CUX2: variants seen among roughly 807,000 people sequenced by gnomAD.
CUX2 encodes the protein homeobox protein cut-like 2.
A neutral mutation model predicts 144.8 loss-of-function variants in CUX2; 40 were observed. The ratio of observed to expected loss-of-function variants is 0.28; its 90% CI spans 0.21 to 0.36. CUX2 has a LOEUF of 0.36. Ranked by LOEUF, CUX2 falls within the 10% of genes least tolerant of loss-of-function variation. The probability of loss-of-function intolerance (pLI) is 1.00; values close to 1 mark genes in which losing one functional copy is unlikely to be tolerated. For missense variants in CUX2, 1,615 were observed against 1,994.0 expected (o/e 0.81, Z 3.62); for synonymous variants, 827 against 875.6 (o/e 0.94, Z 0.98).
intron 16 of CUX2, among the ~76,000 whole-genome samples, chr12:111,316,423 C>A (rs1293672424): frequency 4.1e-5 from 6 of 146,898 alleles, no homozygotes; most frequent in African/African-American, 1.5e-4. Context: ...TGGGATTACA[C>A]GCTTGAGCCA....
At chr12:111,147,787 C>A (rs1876786234) in intron 1 of CUX2, among the ~76,000 whole-genome samples, 1 of 152,162 alleles carries the variant, frequency 6.6e-6, no homozygotes, top group African/African-American at 2.4e-5. Context: ...GCAAAGGTAG[C>A]AAAAGCCCAG....
In CUX2 at chr12:111,320,059, A is replaced by T. The variant is rs910452072; in HGVS notation, c.2050A>T (p.Thr684Ser). 9.1e-6 allele frequency: 14 copies of T among 1,542,646 alleles called. No individual in the cohort carries two copies. The African/African-American group carries it at 1.7e-4, about 18-fold the overall frequency. Residue 684 changes from threonine (T) to serine (S), a missense_variant, in exon 17 of 22, where the codon ACC becomes TCC. Thr to Ser is a moderately conservative substitution (Grantham distance 58). Transcript: ENST00000261726. This position sits in a 1 kb window ranked among gnomAD's most constrained non-coding sequence, Gnocchi z 8.1. ...VAPLSIANGTTPASTSEDAIK... is the reference protein window; with the variant it reads ...VAPLSIANGTSPASTSEDAIK... ...CCCGCTGAGCATCGCCAACGGCACG[A>T]CCCCCGCCAGCACCTCGGAGGACGC...
At chr12:111,340,659 T>C (rs1240299868) in intron 20 of CUX2, among the ~76,000 whole-genome samples, 1 of 152,230 alleles carries the variant, frequency 6.6e-6, no homozygotes, top group Non-Finnish European at 1.5e-5. Context: ...TTCTTAAATA[T>C]CTGCTAGCCG....
intron 2 of CUX2, among the ~76,000 whole-genome samples, chr12:111,215,732 G>A (rs976929335): frequency 1.3e-5 from 2 of 152,048 alleles, no homozygotes; most frequent in African/African-American, 4.8e-5. Flanking sequence ...GAGCTGAATC[G>A]GCCCCACATC....
At chr12:111,199,723 G>A (rs1407112996) in intron 1 of CUX2, among the ~76,000 whole-genome samples, 2 of 152,064 alleles carry the variant, frequency 1.3e-5, no homozygotes, top group Non-Finnish European at 2.9e-5. Flanking sequence ...ATGTGAACGT[G>A]TCTGTCTGTG....
intron 4 of CUX2, among the ~76,000 whole-genome samples, chr12:111,269,535 C>T (rs1048000708): frequency 2.6e-5 from 4 of 152,126 alleles, no homozygotes; most frequent in African/African-American, 7.2e-5. Flanking sequence ...ACCAGATCAT[C>T]GGTCACATAG....
chr12:111,200,902 T>A (rs1880542454), intron 1 of CUX2, among the ~76,000 whole-genome samples: 1 of 152,182 alleles, frequency 6.6e-6, no homozygotes, highest in Non-Finnish European at 1.5e-5. Context: ...TTCCCATTTG[T>A]TTAGGAAGAA....
intron 1 of CUX2, among the ~76,000 whole-genome samples, chr12:111,126,009 A>G (rs1289779104): frequency 6.8e-6 from 1 of 147,896 alleles, no homozygotes; most frequent in Admixed American, 6.7e-5. Context: ...ATTCAACACG[A>G]TGTATTACGT....
rs1020217234 is a variant in CUX2 at position 111,061,364 on chromosome 12, G to A, written c.63+27124G>A. On this transcript the variant is annotated intron_variant, in intron 1 of 21. Coordinates refer to ENST00000261726, the MANE Select transcript of CUX2 (RefSeq NM_015267.4). This position sits in a 1 kb window ranked among gnomAD's most constrained non-coding sequence, Gnocchi z 4.2. The stretch of plus-strand genomic sequence containing the variant: ...GGAGAGCCACTGAGGAAAGCTTTTC[G>A]GGATGGGGGAGGAGGAGGGAAGCAT... 2.6e-5 allele frequency among the ~76,000 whole-genome samples: 4 copies of A among 152,144 alleles called. No individual in the cohort carries two copies. The highest frequency in any genetic ancestry group is 7.2e-5 in the African/African-American group (3 of 41,420).
chr12:111,300,910 C>T (rs1035128329), intron 9 of CUX2, among the ~76,000 whole-genome samples: 8 of 151,876 alleles, frequency 5.3e-5, no homozygotes, highest in African/African-American at 1.2e-4. Flanking sequence ...TGGTGGTGTA[C>T]GCCTGTAGTC....
At chr12:111,278,251 T>A (rs1051097511) in intron 4 of CUX2, among the ~76,000 whole-genome samples, 3 of 152,154 alleles carry the variant, frequency 2.0e-5, no homozygotes, top group African/African-American at 4.8e-5. Context: ...ACCCCATCTC[T>A]ACAAAAATTA....
At chr12:111,168,662 A>G (rs769364528) in intron 1 of CUX2, among the ~76,000 whole-genome samples, 1 of 152,226 alleles carries the variant, frequency 6.6e-6, no homozygotes, top group Non-Finnish European at 1.5e-5. Context: ...ACTGTGTCAT[A>G]TTGGGATTGT....
intron 1 of CUX2, among the ~76,000 whole-genome samples, chr12:111,096,199 G>A (rs763955891): frequency 1.1e-4 from 16 of 152,134 alleles, no homozygotes; most frequent in African/African-American, 3.6e-4. Context: ...AGTCTGGTCC[G>A]CATTCTTGCC....
chr12:111,055,051 C>A (rs1870454797), intron 1 of CUX2, among the ~76,000 whole-genome samples: 1 of 152,276 alleles, frequency 6.6e-6, no homozygotes, highest in East Asian at 1.9e-4. Context: ...TTCGTACGCT[C>A]TCCTGTCTCT....
chr12:111,259,568 AAAGT>A (rs888459482), intron 3 of CUX2, among the ~76,000 whole-genome samples: 5 of 152,206 alleles, frequency 3.3e-5, no homozygotes, highest in African/African-American at 7.2e-5. Context: ...TACAATTTAA[AAAGT>A]AAGAAGTGTA....
intron 1 of CUX2, among the ~76,000 whole-genome samples, chr12:111,123,518 C>A (rs562521164): frequency 4.4e-4 from 66 of 150,870 alleles, no homozygotes; most frequent in Non-Finnish European, 8.0e-4. Flanking sequence ...GGATCACATG[C>A]ACTTTCTATA....
intron 1 of CUX2, chr12:111,100,181 CTGTGTGTGTGTGTGTGTGTGTA>C (rs1303548610): frequency 3.0e-6 from 1 of 329,640 alleles, no homozygotes; most frequent in East Asian, 9.1e-5. Flanking sequence ...GAGCCTGTGA[CTGTGTGTGTGTGTGTGTGTGTA>C]TGTGTGTGTG....
At chr12:111,226,364 C>T (rs979517351) in intron 3 of CUX2, among the ~76,000 whole-genome samples, 3 of 152,270 alleles carry the variant, frequency 2.0e-5, no homozygotes, top group Middle Eastern at 3.4e-3. Context: ...TAAAACTTAA[C>T]GATGAACTGA....
intron 1 of CUX2, among the ~76,000 whole-genome samples, chr12:111,156,639 C>G (rs1877390936): frequency 1.3e-5 from 2 of 152,174 alleles, no homozygotes; most frequent in African/African-American, 4.8e-5. Flanking sequence ...ATTCAGCAGC[C>G]TGGTGAGCCC....
Sources: gnomAD v4.1 joint callset for allele counts (sites outside exome capture counted in the v4.1 genomes callset) on GRCh38, gnomAD v4.1.1 for gene constraint, Gnocchi (gnomAD v3.1) non-coding constraint, MANE v1.5 for transcripts, NCBI Gene and HGNC (gene_info 2026-07-23, HGNC 2026-07-21) for gene names.